Variants in TOGARAM1 observed in about 807,000 individuals in gnomAD.
The protein encoded by TOGARAM1 is TOG array regulator of axonemal microtubules protein 1.
A neutral mutation model predicts 166.6 loss-of-function variants in TOGARAM1; 100 were observed. The ratio of observed to expected loss-of-function variants is 0.60; its 90% CI spans 0.51 to 0.71. The LOEUF (loss-of-function observed/expected upper bound fraction) is 0.71. TOGARAM1 is among the 30% of genes least tolerant of loss of function. TOGARAM1 has a pLI of 0.00. For missense variants in TOGARAM1, 2,029 were observed against 2,102.7 expected (o/e 0.96, Z 0.69); for synonymous variants, 758 against 763.8 (o/e 0.99, Z 0.13).
At chr14:45,032,807 C>T (rs1048441490) in intron 11 of TOGARAM1, among the ~76,000 whole-genome samples, 1 of 152,162 alleles carries the variant, frequency 6.6e-6, no homozygotes, top group Non-Finnish European at 1.5e-5. Context: ...CGTGTTTCAG[C>T]GGGAGCATCC....
At chr14:45,022,088 T>C (rs548458669) in intron 7 of TOGARAM1, among the ~76,000 whole-genome samples, 1 of 152,084 alleles carries the variant, frequency 6.6e-6, no homozygotes, top group South Asian at 2.1e-4. Context: ...TCCCCGAGGA[T>C]TGTGGCCTCC....
Position 45,004,065 on chromosome 14 carries a change from T to C in TOGARAM1, c.2343T>C (p.Tyr781=). ...GTTSSHQEKV[Y]ASLNFGSKTQ... is the part of the protein sequence containing the mutation. ...TTATCTTTTGTTTTATTACAGTGTA[T>C]GCTAGCCTCAATTTTGGCAGTAAGA... is the stretch of plus-strand genomic sequence containing the variant. The change falls in exon 4 of 20, where the codon TAT becomes TAC. Residue 781 remains tyrosine, a synonymous_variant. Transcript: ENST00000361462. 4.3e-6 allele frequency: 7 copies of C among 1,613,636 alleles called. No homozygotes were observed. The highest frequency in any genetic ancestry group is 5.9e-6 in the Non-Finnish European group (7 of 1,179,728).
rs986298206 is a variant in TOGARAM1, at chr14:45,054,328, A to T, written c.4441-103A>T. On this transcript the variant is annotated intron_variant, in intron 15 of 19. Coordinates refer to ENST00000361462, the MANE Select transcript of TOGARAM1 (RefSeq NM_001308120.2). ...ATATCAGATTATTAAAATACTTTCC[A>T]TCTTAAAAAATCAATGATGCCTACT... The T allele has an allele frequency of 4.5e-6, 3 of 673,308 alleles. No individual in the cohort carries two copies. In the African/African-American group the frequency reaches 5.5e-5, roughly 12 times the overall value. The allele number at this position is 673,308 out of a possible 1,614,324, so 41.7% of individuals were successfully genotyped here. A position where few individuals can be genotyped will look rare whatever the true frequency, so the allele number is the denominator to read the frequency against.
chr14:45,012,923 A>C (rs904395170), intron 7 of TOGARAM1, among the ~76,000 whole-genome samples: 2 of 152,118 alleles, frequency 1.3e-5, no homozygotes, highest in Non-Finnish European at 2.9e-5. Context: ...TAGCCGCCTA[A>C]ATTTTCTCCC....
intron 1 of TOGARAM1, among the ~76,000 whole-genome samples, chr14:44,986,655 T>C (rs1886815326): frequency 1.3e-5 from 2 of 152,008 alleles, no homozygotes; most frequent in Non-Finnish European, 2.9e-5. Context: ...TTGAAGTTTA[T>C]TAAGAATTTT....
At chr14:44,990,528 TCAAA>T (rs1337231376) in intron 1 of TOGARAM1, among the ~76,000 whole-genome samples, 6 of 152,312 alleles carry the variant, frequency 3.9e-5, no homozygotes, top group South Asian at 2.1e-4. Flanking sequence ...GAAATAAATG[TCAAA>T]CAAAGAATCA....
rs1323910260 is a variant in TOGARAM1 at position 45,045,569 on chromosome 14, A to G, written c.4154+699A>G. 1.5e-4 allele frequency among the ~76,000 whole-genome samples: 6 copies of G among 39,456 alleles called. No individual in the cohort carries two copies. In the East Asian group the frequency reaches 2.7e-3, roughly 18 times the overall value. 25.9% of individuals were successfully genotyped at this position (39,456 alleles called of 152,430 possible). ...TATATATATATATATATATATATAT[A>G]TATATATATATATATGTGTGTGTGT... On this transcript the variant is annotated intron_variant, in intron 13 of 19. Coordinates refer to ENST00000361462, the MANE Select transcript of TOGARAM1 (RefSeq NM_001308120.2).
chr14:44,985,622 G>T (rs560081751), intron 1 of TOGARAM1, among the ~76,000 whole-genome samples: 10 of 152,306 alleles, frequency 6.6e-5, no homozygotes, highest in Admixed American at 6.5e-4. Flanking sequence ...CAGAGCTCAG[G>T]CAATAATCCC....
chr14:44,983,712 G>T (rs1461385580), intron 1 of TOGARAM1, among the ~76,000 whole-genome samples: 2 of 152,052 alleles, frequency 1.3e-5, no homozygotes, highest in Non-Finnish European at 2.9e-5. Flanking sequence ...GTTTGGTATG[G>T]GTTAATCCTA....
At chr14:45,004,888 AT>A (rs1424617117) in intron 4 of TOGARAM1, among the ~76,000 whole-genome samples, 1 of 152,182 alleles carries the variant, frequency 6.6e-6, no homozygotes, top group African/African-American at 2.4e-5. Flanking sequence ...TTTATTCAAT[AT>A]TTATTGAATT....
chr14:45,046,450 A>C (rs1382500801), intron 13 of TOGARAM1, 95 bp from the exon 14 acceptor site: 1 of 1,154,474 alleles, frequency 8.7e-7, no homozygotes, highest in African/African-American at 1.6e-5. Context: ...AACAAAACCA[A>C]AATACAAACA....
chr14:45,068,388 C>T (rs1374233596), intron 17 of TOGARAM1, 36 bp from the exon 18 acceptor site: 8 of 1,421,068 alleles, frequency 5.6e-6, no homozygotes, highest in African/African-American at 2.9e-5. Flanking sequence ...CTATAAAAAT[C>T]ATTTTACTTT....
intron 12 of TOGARAM1, among the ~76,000 whole-genome samples, chr14:45,044,363 A>G (rs565155426): frequency 6.6e-5 from 10 of 152,166 alleles, no homozygotes; most frequent in African/African-American, 2.4e-4. Flanking sequence ...CAACATGGCA[A>G]AACCCCATTT....
chr14:45,062,793 G>A (rs1019535317), intron 16 of TOGARAM1, among the ~76,000 whole-genome samples: 1 of 152,156 alleles, frequency 6.6e-6, no homozygotes, highest in African/African-American at 2.4e-5. Context: ...CGTATTGAAT[G>A]CATTTTTGAT....
intron 15 of TOGARAM1, 89 bp from the exon 16 acceptor site, chr14:45,054,342 A>G (rs1016573893): frequency 8.3e-5 from 64 of 770,668 alleles, no homozygotes; most frequent in Admixed American, 1.7e-4. Flanking sequence ...TAAAAAATCA[A>G]TGATGCCTAC....
intron 1 of TOGARAM1, among the ~76,000 whole-genome samples, chr14:44,969,150 C>CCTTCCTTCCTTCCTTTCTTTCT (rs1566595745): frequency 2.3e-5 from 3 of 130,052 alleles, no homozygotes; most frequent in African/African-American, 9.8e-5. Flanking sequence ...TCCTTCCTTT[C>CCTTCCTTCCTTCCTTTCTTTCT]TTTCTTTCTT....
Position 44,963,786 on chromosome 14 carries a change from C to T in TOGARAM1, c.1365C>T (p.Tyr455=). Residue 455 remains tyrosine, a synonymous_variant, in exon 1 of 20, where the codon TAC becomes TAT. Coordinates refer to ENST00000361462, the MANE Select transcript of TOGARAM1 (RefSeq NM_001308120.2). ...ADNKLVIKQE[Y]MKIFLKLMKE... is the part of the protein sequence containing the mutation. ...ACAAGTTGGTGATCAAACAAGAATA[C>T]ATGAAAATCTTCCTCAAGCTAATGA... 1 of 1,614,066 alleles carries T rather than the reference C, an allele frequency of 6.2e-7. No homozygotes were observed. The highest frequency in any genetic ancestry group is 8.5e-7 in the Non-Finnish European group (1 of 1,179,968).
intron 11 of TOGARAM1, among the ~76,000 whole-genome samples, chr14:45,036,004 T>A (rs1216789691): frequency 2.0e-5 from 3 of 150,584 alleles, no homozygotes; most frequent in African/African-American, 7.3e-5. Flanking sequence ...GTGATGTGTT[T>A]CTGTAGTCCC....
In TOGARAM1 at chr14:45,012,036, A is replaced by T. The variant is rs756199856; in HGVS notation, c.3199A>T (p.Lys1067Ter). The T allele has an allele frequency of 1.6e-5, 25 of 1,611,074 alleles. No individual in the cohort carries two copies. The Admixed American group carries it at 3.9e-4, about 25-fold the overall frequency. Reference sequence around the variant, plus strand: ...TCCAACAAGACTTTCTTCTGCAAAGAAAAAAATTTCTCATATTGCTGAACA... The same window carrying T: ...TCCAACAAGACTTTCTTCTGCAAAGTAAAAAATTTCTCATATTGCTGAACA... ...PCPTRLSSAK[K>*]KISHIAEQSP... Residue 1067 changes from lysine to a stop codon, truncating the protein, a stop_gained, in exon 7 of 20, where the codon AAA (lysine) becomes TAA (stop). Transcript: ENST00000361462. LOFTEE classifies it high-confidence loss of function.
Sources: gnomAD v4.1 joint callset for allele counts (sites outside exome capture counted in the v4.1 genomes callset) on GRCh38, gnomAD v4.1.1 for gene constraint, MANE v1.5 for transcripts, NCBI Gene and HGNC (gene_info 2026-07-23, HGNC 2026-07-21) for gene names.